The following CNTNAP4 variants were observed in gnomAD, a reference collection of about 807,000 sequenced individuals.
CNTNAP4 encodes the protein contactin associated protein family member 4, also known as contactin-associated protein-like 4.
In CNTNAP4, 98 loss-of-function variants were observed where a neutral mutation model predicts 148.4. The observed-to-expected ratio is 0.66, with a 90% CI of 0.56 to 0.78. The LOEUF is 0.78. Among genes scored for constraint, CNTNAP4 ranks in the 30% least tolerant of loss-of-function variants. CNTNAP4 has a pLI of 0.00. For synonymous variants in CNTNAP4, 730 were observed against 565.1 expected (o/e 1.29, Z -4.14); for missense variants, 1,935 against 1,565.6 (o/e 1.24, Z -3.98).
intron 3 of CNTNAP4, among the ~76,000 whole-genome samples, chr16:76,413,490 A>G (rs1233763343): frequency 6.6e-6 from 1 of 151,176 alleles, no homozygotes; most frequent in African/African-American, 2.4e-5. Flanking sequence ...GATCTGTTCC[A>G]GTGATCTGTT....
intron 4 of CNTNAP4, among the ~76,000 whole-genome samples, chr16:76,428,759 G>A (rs2079510735): frequency 6.6e-6 from 1 of 151,986 alleles, no homozygotes; most frequent in African/African-American, 2.4e-5. Context: ...AATAATAGCA[G>A]TAACACTAAT....
chr16:76,325,307 C>G (rs958275385), intron 2 of CNTNAP4, among the ~76,000 whole-genome samples: 1 of 152,038 alleles, frequency 6.6e-6, no homozygotes, highest in Non-Finnish European at 1.5e-5. Context: ...TATTTATATA[C>G]TCTGTGTAGT....
intron 3 of CNTNAP4, among the ~76,000 whole-genome samples, chr16:76,425,162 A>G (rs1291859545): frequency 2.0e-5 from 3 of 152,190 alleles, no homozygotes; most frequent in Admixed American, 2.0e-4. Flanking sequence ...GTTCTGGGAA[A>G]CACTAGTCTG....
At chr16:76,529,051 G>A (rs1185065051) in intron 17 of CNTNAP4, among the ~76,000 whole-genome samples, 2 of 152,196 alleles carry the variant, frequency 1.3e-5, no homozygotes, top group Non-Finnish European at 2.9e-5. Flanking sequence ...AGCGTAATGT[G>A]ATAGATTAGA....
At chr16:76,443,612 T>TA (rs1279633812) in intron 4 of CNTNAP4, among the ~76,000 whole-genome samples, 1 of 152,120 alleles carries the variant, frequency 6.6e-6, no homozygotes, top group East Asian at 1.9e-4. Flanking sequence ...TTCCCAAAGG[T>TA]ATTTACAAAA....
intron 2 of CNTNAP4, 88 bp downstream of exon 2, chr16:76,316,611 T>A: frequency 1.2e-6 from 1 of 844,364 alleles, no homozygotes. Flanking sequence ...GAATGATACA[T>A]GGTAAAAGAA....
At chr16:76,372,876 G>A (rs1052666361) in intron 3 of CNTNAP4, among the ~76,000 whole-genome samples, 12 of 152,174 alleles carry the variant, frequency 7.9e-5, no homozygotes, top group African/African-American at 2.9e-4. Flanking sequence ...TTATTGAAAA[G>A]TGTACCTATT....
intron 3 of CNTNAP4, among the ~76,000 whole-genome samples, chr16:76,358,120 G>T (rs747741605): frequency 6.6e-6 from 1 of 152,146 alleles, no homozygotes; most frequent in Admixed American, 6.5e-5. Flanking sequence ...GATCACTTGA[G>T]GCCAGGAGTT....
At chr16:76,321,385 A>C (rs1962392349) in intron 2 of CNTNAP4, among the ~76,000 whole-genome samples, 2 of 152,238 alleles carry the variant, frequency 1.3e-5, no homozygotes, top group Non-Finnish European at 2.9e-5. Context: ...CTTCCAAGAT[A>C]TGCATGTTGC....
chr16:76,359,233 A>G, intron 3 of CNTNAP4, among the ~76,000 whole-genome samples: 1 of 152,352 alleles, frequency 6.6e-6, no homozygotes, highest in East Asian at 1.9e-4. Flanking sequence ...TACCAATTAT[A>G]CAAAATATGC....
At chr16:76,428,886 T>G (rs188043349) in intron 4 of CNTNAP4, among the ~76,000 whole-genome samples, 83 of 152,226 alleles carry the variant, frequency 5.5e-4, no homozygotes, top group Non-Finnish European at 1.1e-3. Flanking sequence ...CGATAAATAT[T>G]ACTGGGTAAC....
rs374131374 is a variant in CNTNAP4 at position 76,342,602 on chromosome 16, A to G, written c.197-12716A>G. 5.6e-3 allele frequency among the ~76,000 whole-genome samples: 844 copies of G among 150,874 alleles called. 6 individuals are homozygous for G. Among genetic ancestry groups the G allele is most frequent in the African/African-American group, 0.02 (800 of 40,984 alleles). ...ATTCTCCTGTGTCAGCCTCCCAAGC[A>G]GCTGGGACTACAGGCACCCGCCACC... On this transcript the variant is annotated intron_variant, in intron 2 of 23. Transcript: ENST00000611870.
chr16:76,381,346 C>G (rs59924843), intron 3 of CNTNAP4, among the ~76,000 whole-genome samples: 6,917 of 152,136 alleles, frequency 0.045, 484 homozygotes, highest in African/African-American at 0.16. Flanking sequence ...AGTGCCCCCT[C>G]CCACCCCAGT....
intron 4 of CNTNAP4, among the ~76,000 whole-genome samples, chr16:76,428,076 TA>T (rs1568128192): frequency 6.6e-6 from 1 of 152,206 alleles, no homozygotes; most frequent in Non-Finnish European, 1.5e-5. Context: ...GCTGTCAGTA[TA>T]AATTAATAGA....
chr16:76,285,795 C>T (rs74024974), intron 1 of CNTNAP4, among the ~76,000 whole-genome samples: 4,140 of 151,782 alleles, frequency 0.027, 201 homozygotes, highest in African/African-American at 0.096. Flanking sequence ...AATAAGGACA[C>T]GGATAAACTC....
chr16:76,300,759 A>G (rs886219613), intron 1 of CNTNAP4, among the ~76,000 whole-genome samples: 2 of 152,196 alleles, frequency 1.3e-5, no homozygotes, highest in Non-Finnish European at 2.9e-5. Context: ...AGAGGGCTCC[A>G]GTCAAAACAT....
intron 3 of CNTNAP4, among the ~76,000 whole-genome samples, chr16:76,410,834 T>C (rs1156904401): frequency 6.6e-6 from 1 of 151,674 alleles, no homozygotes; most frequent in Non-Finnish European, 1.5e-5. Context: ...ACTGTAGAGA[T>C]AATTAATTTT....
chr16:76,368,269 C>G (rs1279081016), intron 3 of CNTNAP4, among the ~76,000 whole-genome samples: 1 of 152,178 alleles, frequency 6.6e-6, no homozygotes, highest in African/African-American at 2.4e-5. Context: ...AATAATGACA[C>G]AATTTTCTTA....
At chr16:76,557,109 C>A (rs2144443276) in intron 23 of CNTNAP4, among the ~76,000 whole-genome samples, 1 of 152,248 alleles carries the variant, frequency 6.6e-6, no homozygotes, top group Non-Finnish European at 1.5e-5. Flanking sequence ...TAGTTTGTAC[C>A]TTCACTGATC....
Sources: allele counts gnomAD v4.1 joint callset (sites outside exome capture counted in the v4.1 genomes callset), GRCh38; gene constraint gnomAD v4.1.1; transcripts MANE v1.5; gene names NCBI Gene and HGNC (gene_info 2026-07-23, HGNC 2026-07-21).